The following KIF1C variants were observed in gnomAD, a reference collection of about 807,000 sequenced individuals.
The protein encoded by KIF1C is kinesin family member 1C.
In KIF1C, 61 loss-of-function variants were observed where a neutral mutation model predicts 126.5. The observed-to-expected ratio is 0.48, with a 90% CI of 0.39 to 0.60. The LOEUF (loss-of-function observed/expected upper bound fraction) is 0.60. KIF1C is among the 20% of genes least tolerant of loss of function. The probability of loss-of-function intolerance (pLI) is 0.00; values close to 1 mark genes in which losing one functional copy is unlikely to be tolerated. For missense variants in KIF1C, 1,315 were observed against 1,489.2 expected, an observed-to-expected ratio of 0.88 and a Z score of 1.93; for synonymous variants, 640 against 580.6, an observed-to-expected ratio of 1.10 and a Z score of -1.47.
At position 5,023,920 on chromosome 17, in the gene KIF1C, C is replaced by A. The variant is rs752457302; in HGVS notation, c.3081C>A (p.His1027Gln). 12 of 1,565,736 alleles carry A rather than the reference C, an allele frequency of 7.7e-6. No homozygotes were observed. Among genetic ancestry groups the A allele is most frequent in the Middle Eastern group, 1.7e-4 (1 of 5,798 alleles). The change falls in exon 23 of 23, where the codon CAC becomes CAA. Residue 1027 changes from histidine (H) to glutamine (Q), a missense_variant. Physicochemically the swap from His to Gln is conservative, Grantham distance 24 (BLOSUM62 0). Transcript: ENST00000320785. This position sits in a 1 kb window ranked among gnomAD's most constrained non-coding sequence, Gnocchi z 4.2. ...ARRPPSPRRSHHPRRNSLDGG... is the reference protein window; with the variant it reads ...ARRPPSPRRSQHPRRNSLDGG... ...GGCCTCCGAGTCCCCGAAGGTCCCA[C>A]CATCCCCGCAGGAACTCCCTGGATG... is the stretch of plus-strand genomic sequence containing the variant.
intron 18 of KIF1C, 109 bp from the exon 19 acceptor site, chr17:5,019,887 C>G: frequency 1.3e-6 from 1 of 771,146 alleles, no homozygotes; most frequent in Admixed American, 2.0e-5. Context: ...GGGGGTGGGA[C>G]TGGTGGTGCA....
At chr17:5,012,996 A>C (rs1974899343) in intron 16 of KIF1C, among the ~76,000 whole-genome samples, 1 of 152,066 alleles carries the variant, frequency 6.6e-6, no homozygotes, top group Non-Finnish European at 1.5e-5. Context: ...TGCTGCAGGG[A>C]CCCAGGCTTG....
intron 12 of KIF1C, 43 bp from the exon 13 acceptor site, chr17:5,004,812 C>T: frequency 1.2e-6 from 2 of 1,613,120 alleles, no homozygotes; most frequent in Non-Finnish European, 1.7e-6. Flanking sequence ...ACCAAGGGTC[C>T]CCTGCCCCCA....
Position 5,001,226 on chromosome 17 carries a change from A to G in KIF1C, c.188A>G (p.Glu63Gly), listed in dbSNP as rs773854559. The G allele has an allele frequency of 1.6e-5, 26 of 1,613,878 alleles. No individual in the cohort carries two copies. Among genetic ancestry groups the G allele is most frequent in the Non-Finnish European group, 2.1e-5 (25 of 1,179,924 alleles). The change falls in exon 5 of 23, where the codon GAG becomes GGG. Residue 63 changes from glutamate (E) to glycine (G), a missense_variant. Glu to Gly is a moderately conservative substitution (Grantham distance 98). This residue lies in a region of KIF1C where 874 missense variants were observed against 1,053.2 expected (regional missense o/e 0.83). Transcript: ENST00000320785. ...TCTGCCCCCACTTTCTCCTAGACGG[A>G]GGACCCCCAGTTTGCATCTCAGCAG... ...DYSYWSHTST[E>G]DPQFASQQQV...
Position 5,020,995 on chromosome 17 carries a change from G to A in KIF1C, c.2010+117G>A, listed in dbSNP as rs1449276935. ...GAAATGGGCATGGGGGTAAGGGGAAGGGTCCAAGAGGAAAAAGCCAGGAGA... is the reference window on the plus strand; with the variant it reads ...GAAATGGGCATGGGGGTAAGGGGAAAGGTCCAAGAGGAAAAAGCCAGGAGA... On this transcript the variant is annotated intron_variant, in intron 21 of 22. Transcript: ENST00000320785. This position sits in a 1 kb window ranked among gnomAD's most constrained non-coding sequence, Gnocchi z 5.8. The A allele has an allele frequency of 7.2e-6, 6 of 832,954 alleles. No homozygotes were observed. The African/African-American group carries it at 1.0e-4, about 14-fold the overall frequency. 51.6% of individuals were successfully genotyped at this position (832,954 alleles called of 1,614,324 possible).
chr17:5,016,990 G>T (rs1378537435), intron 18 of KIF1C, among the ~76,000 whole-genome samples: 1 of 151,974 alleles, frequency 6.6e-6, no homozygotes, highest in African/African-American at 2.4e-5. Context: ...TCTGGTTCAA[G>T]TCCTCAGTGA....
rs201868200 is a variant in KIF1C at position 5,014,158 on chromosome 17, T to C, written c.1571+426T>C. 1.7e-4 allele frequency: 30 copies of C among 180,584 alleles called. No homozygotes were observed. In the East Asian group the frequency reaches 4.6e-3, roughly 28 times the overall value. 11.2% of individuals were successfully genotyped at this position (180,584 alleles called of 1,614,324 possible). A position where few individuals can be genotyped will look rare whatever the true frequency, so the allele number is the denominator to read the frequency against. On this transcript the variant is annotated intron_variant, in intron 17 of 22. Transcript: ENST00000320785. Reference sequence around the variant, plus strand: ...TATGAAGTCATGGGGGCTCGGTGCCTCCCCTAAAGGGGTGAGGGTGCCCTT... The same window carrying C: ...TATGAAGTCATGGGGGCTCGGTGCCCCCCCTAAAGGGGTGAGGGTGCCCTT...
intron 17 of KIF1C, 58 bp downstream of exon 17, chr17:5,013,790 G>A: frequency 7.2e-7 from 1 of 1,379,786 alleles, no homozygotes. Context: ...TGGCTGCCAA[G>A]GGTTGTCCAC....
Position 5,001,580 on chromosome 17 carries a change from CT to C in KIF1C, c.363+180del, listed in dbSNP as rs55725275. On this transcript the variant is annotated intron_variant, in intron 5 of 22. Transcript: ENST00000320785. ...CTCTGGGGTGGGAGGGTCTTCGCCC[CT>C]ATCAGAGGCAACGAGCCTCAGTGAG... Among the ~76,000 whole-genome samples, 12,456 of 152,190 alleles carry C rather than the reference CT, an allele frequency of 0.082. 671 individuals carry two copies. Among genetic ancestry groups the C allele is most frequent in the Middle Eastern group, 0.12 (35 of 294 alleles).
intron 6 of KIF1C, 27 bp downstream of exon 6, chr17:5,002,151 T>C (rs1974610752): frequency 6.2e-7 from 1 of 1,606,038 alleles, no homozygotes. Context: ...GTGGCAGGGC[T>C]GAGAGGGGTC....
intron 1 of KIF1C, among the ~76,000 whole-genome samples, chr17:4,999,438 CTG>C (rs1311078490): frequency 6.6e-6 from 1 of 152,082 alleles, no homozygotes; most frequent in Non-Finnish European, 1.5e-5. Flanking sequence ...GTTTGCTGTG[CTG>C]TGTCTCTTCC....
At chr17:5,019,792 G>T in intron 18 of KIF1C, 1 of 595,054 alleles carries the variant, frequency 1.7e-6, no homozygotes. Context: ...TCTGGGAATT[G>T]TAGTTGGGGC....
Position 5,004,880 on chromosome 17 carries a change from C to A in KIF1C, c.1045C>A (p.Arg349Ser), listed in dbSNP as rs187228739. 6.2e-7 allele frequency: 1 copy of A among 1,614,256 alleles called. No individual in the cohort carries two copies. Among genetic ancestry groups the A allele is most frequent in the South Asian group, 1.1e-5 (1 of 91,088 alleles). ...LRYADRTKQIRCNAIINEDPN... is the reference protein window; with the variant it reads ...LRYADRTKQISCNAIINEDPN... ...GTATGCTGACCGCACCAAGCAAATC[C>A]GCTGCAATGCCATCATCAACGAGGA... The change falls in exon 13 of 23, where the codon CGC (arginine) becomes AGC (serine). Residue 349 changes from arginine (R) to serine (S), a missense_variant. This residue lies in a region of KIF1C where 874 missense variants were observed against 1,053.2 expected (regional missense o/e 0.83). Coordinates refer to ENST00000320785, the MANE Select transcript of KIF1C (RefSeq NM_006612.6).
At position 5,026,346 on chromosome 17, in the gene KIF1C, G is replaced by C. The variant is rs1716516065; in HGVS notation, c.*2195G>C. The C allele has an allele frequency of 6.6e-6, 1 of 152,216 alleles. No homozygotes were observed. The highest frequency in any genetic ancestry group is 2.1e-4 in the South Asian group (1 of 4,820). 9.4% of individuals were successfully genotyped at this position (152,216 alleles called of 1,614,324 possible). A position where few individuals can be genotyped will look rare whatever the true frequency, so the allele number is the denominator to read the frequency against. ...AGAGGGAGCTGAGTTGAGTGTTACC[G>C]AGAATGCTGTGGGGTTTGAGATGAG... On this transcript the variant is annotated 3_prime_UTR_variant, in exon 23 of 23. Coordinates refer to ENST00000320785, the MANE Select transcript of KIF1C (RefSeq NM_006612.6).
chr17:5,019,895 G>A, intron 18 of KIF1C, 101 bp from the exon 19 acceptor site: 1 of 821,912 alleles, frequency 1.2e-6, no homozygotes, highest in Non-Finnish European at 2.1e-6. Context: ...GACTGGTGGT[G>A]CATGTGTGGT....
At chr17:5,013,602 C>G in intron 16 of KIF1C, 51 bp from the exon 17 acceptor site, 1 of 1,373,574 alleles carries the variant, frequency 7.3e-7, no homozygotes, top group Non-Finnish European at 1.0e-6. Flanking sequence ...TTCTTCCTTT[C>G]TATAGCACCC....
intron 1 of KIF1C, among the ~76,000 whole-genome samples, chr17:4,998,558 C>T (rs77239225): frequency 6.6e-6 from 1 of 152,178 alleles, no homozygotes; most frequent in Non-Finnish European, 1.5e-5. Context: ...CGTGCCACCC[C>T]ATCCCTGTCC....
rs996290376 is a variant in KIF1C, at chr17:5,027,605, G to A, written c.*3454G>A. ...TAGATTAATGAGTTGCCCAAATTCAGACAGTTCTTAAGTGGCAAAGTTAGG... is the reference window on the plus strand; with the variant it reads ...TAGATTAATGAGTTGCCCAAATTCAAACAGTTCTTAAGTGGCAAAGTTAGG... On this transcript the variant is annotated 3_prime_UTR_variant, in exon 23 of 23. Coordinates refer to ENST00000320785, the MANE Select transcript of KIF1C (RefSeq NM_006612.6). 1 of 152,148 alleles carries A rather than the reference G, an allele frequency of 6.6e-6. No individual in the cohort carries two copies. The highest frequency in any genetic ancestry group is 2.1e-4 in the South Asian group (1 of 4,836). The allele number at this position is 152,148 out of a possible 1,614,324, so 9.4% of individuals were successfully genotyped here. A position where few individuals can be genotyped will look rare whatever the true frequency, so the allele number is the denominator to read the frequency against.
chr17:5,007,686 C>T lies in KIF1C; in HGVS notation c.1491+144C>T, dbSNP rs929813864. ...CCCTCCATCATTTCTGTCCCCTCCC[C>T]TGCCACCTCCTCTCCGTCTTGTTTA... is the stretch of plus-strand genomic sequence containing the variant. On this transcript the variant is annotated intron_variant, in intron 16 of 22. Coordinates refer to ENST00000320785, the MANE Select transcript of KIF1C (RefSeq NM_006612.6). 2.3e-5 allele frequency: 13 copies of T among 558,136 alleles called. No homozygotes were observed. The East Asian group carries it at 3.3e-4, about 14-fold the overall frequency. The allele number at this position is 558,136 out of a possible 1,614,324, so 34.6% of individuals were successfully genotyped here. A position where few individuals can be genotyped will look rare whatever the true frequency, so the allele number is the denominator to read the frequency against.
Sources: gnomAD v4.1 joint callset for allele counts (sites outside exome capture counted in the v4.1 genomes callset) on GRCh38, gnomAD v4.1.1 for gene constraint, gnomAD v4.1.1 regional missense constraint, Gnocchi (gnomAD v3.1) non-coding constraint, MANE v1.5 for transcripts, NCBI Gene and HGNC (gene_info 2026-07-23, HGNC 2026-07-21) for gene names.